AFF2: variants seen among roughly 807,000 people sequenced by gnomAD.
AFF2 encodes ALF transcription elongation factor 2.
Under a neutral mutation model 76.9 loss-of-function variants are expected in AFF2, and 14 were observed. The ratio of observed to expected loss-of-function variants is 0.18; its 90% CI spans 0.12 to 0.28. The LOEUF (loss-of-function observed/expected upper bound fraction) is 0.28. Ranked by LOEUF, AFF2 falls within the 10% of genes least tolerant of loss-of-function variation. The probability of loss-of-function intolerance (pLI) is 1.00; values close to 1 mark genes in which losing one functional copy is unlikely to be tolerated. For missense variants in AFF2, 868 were observed against 1,001.1 expected, an observed-to-expected ratio of 0.87 and a Z score of 1.79; for synonymous variants, 398 against 366.7, an observed-to-expected ratio of 1.09 and a Z score of -0.98.
At chrX:148,869,779 A>T (rs184528637) in intron 7 of AFF2, among the ~76,000 whole-genome samples, 1 of 111,928 alleles carries the variant, frequency 8.9e-6, no homozygotes, top group East Asian at 2.8e-4. Flanking sequence ...GTTCCTTCTT[A>T]GGATGTAAGA....
At chrX:148,924,080 T>G (rs1345667288) in intron 9 of AFF2, among the ~76,000 whole-genome samples, 1 of 111,974 alleles carries the variant, frequency 8.9e-6, no homozygotes, top group African/African-American at 3.2e-5. Flanking sequence ...ATAATAACAA[T>G]GGAAATGATC....
At chrX:148,794,776 G>T (rs945040610) in intron 3 of AFF2, among the ~76,000 whole-genome samples, 11 of 111,054 alleles carry the variant, frequency 9.9e-5, no homozygotes, top group Admixed American at 9.7e-4. Flanking sequence ...AGGCAGGGGT[G>T]GGGGGTTCAT....
Position 148,897,415 on chromosome X carries a change from TAG to T in AFF2, c.1360-6801_1360-6800del, listed in dbSNP as rs782705136. On this transcript the variant is annotated intron_variant, in intron 8 of 20. Transcript: ENST00000370460. ...AGAATACCAGACCTTAAAATGACCATAGAGAGTTTTTACTCTAGCTTTCTAAT... is the reference window on the plus strand; with the variant it reads ...AGAATACCAGACCTTAAAATGACCATAGAGTTTTTACTCTAGCTTTCTAAT... Among the ~76,000 whole-genome samples the T allele has an allele frequency of 1.3e-3, 130 of 101,647 alleles. 1 individual carries two copies. The highest frequency in any genetic ancestry group is 2.2e-3 in the Non-Finnish European group (111 of 49,869). 88.3% of individuals were successfully genotyped at this position (101,647 alleles called of 115,157 possible). A position where few individuals can be genotyped will look rare whatever the true frequency, so the allele number is the denominator to read the frequency against.
chrX:148,701,368 A>G (rs2054797235), intron 3 of AFF2, among the ~76,000 whole-genome samples: 1 of 111,134 alleles, frequency 9.0e-6, no homozygotes, highest in African/African-American at 3.3e-5. Flanking sequence ...AAAGAATCAT[A>G]TAGGGTCCTC....
intron 3 of AFF2, among the ~76,000 whole-genome samples, chrX:148,688,620 G>T (rs2054621490): frequency 9.0e-6 from 1 of 111,106 alleles, no homozygotes; most frequent in South Asian, 3.9e-4. Context: ...TTAAGTAGGG[G>T]CCTAATAAAT....
At position 148,521,374 on chromosome X, in the gene AFF2, G is replaced by GCACACACACA. The variant is rs781978355; in HGVS notation, c.47+20258_47+20267dup. Among the ~76,000 whole-genome samples, 872 of 90,869 alleles carry GCACACACACA rather than the reference G, an allele frequency of 9.6e-3. 9 individuals carry two copies. The highest frequency in any genetic ancestry group is 0.023 in the African/African-American group (534 of 23,491). The allele number at this position is 90,869 out of a possible 115,157, so 78.9% of individuals were successfully genotyped here. A position where few individuals can be genotyped will look rare whatever the true frequency, so the allele number is the denominator to read the frequency against. On this transcript the variant is annotated intron_variant, in intron 1 of 20. Coordinates refer to ENST00000370460, the MANE Select transcript of AFF2 (RefSeq NM_002025.4). ...ACAGGTACCTGAAAAGCACGTGCAT[G>GCACACACACA]CACACACACACACACACACACACAC...
chrX:148,589,192 C>G (rs1372013082), intron 1 of AFF2, among the ~76,000 whole-genome samples: 4 of 110,946 alleles, frequency 3.6e-5, no homozygotes, highest in Admixed American at 1.9e-4. Flanking sequence ...ACTGATGCCA[C>G]GGACGTTAAT....
At chrX:148,536,580 TTGAGA>T (rs1465502477) in intron 1 of AFF2, among the ~76,000 whole-genome samples, 3 of 112,591 alleles carry the variant, frequency 2.7e-5, no homozygotes, top group Admixed American at 9.4e-5. Context: ...TTATCCCAAA[TTGAGA>T]TAACTGTCAA....
intron 1 of AFF2, among the ~76,000 whole-genome samples, chrX:148,523,852 C>T (rs1309834075): frequency 9.0e-6 from 1 of 111,690 alleles, no homozygotes; most frequent in African/African-American, 3.3e-5. Flanking sequence ...GAATGACATA[C>T]TCTTTAGGGT....
intron 3 of AFF2, among the ~76,000 whole-genome samples, chrX:148,772,895 A>T (rs1337291242): frequency 4.5e-5 from 5 of 111,029 alleles, no homozygotes; most frequent in African/African-American, 1.6e-4. Context: ...TGTTTAAAAA[A>T]TGCTTGAATA....
intron 1 of AFF2, among the ~76,000 whole-genome samples, chrX:148,616,647 A>C (rs1557250405): frequency 9.1e-6 from 1 of 110,399 alleles, no homozygotes; most frequent in Non-Finnish European, 1.9e-5. Flanking sequence ...ATATGTGTAC[A>C]TGTGCCATGT....
At chrX:148,645,668 A>G (rs782443666) in intron 1 of AFF2, among the ~76,000 whole-genome samples, 8 of 112,342 alleles carry the variant, frequency 7.1e-5, no homozygotes, top group Non-Finnish European at 1.3e-4. Flanking sequence ...AGTCAAAATA[A>G]TTTTGTCCAA....
At chrX:148,885,585 C>G (rs1162742429) in intron 7 of AFF2, among the ~76,000 whole-genome samples, 3 of 111,658 alleles carry the variant, frequency 2.7e-5, no homozygotes, top group Non-Finnish European at 5.6e-5. Context: ...AGTGATTGAT[C>G]AGTACATTTA....
At chrX:148,887,748 G>T (rs2071175833) in intron 8 of AFF2, among the ~76,000 whole-genome samples, 1 of 111,388 alleles carries the variant, frequency 9.0e-6, no homozygotes, top group Admixed American at 9.5e-5. Flanking sequence ...AAAATTTGAT[G>T]GGGAGATTGA....
In AFF2 at chrX:148,793,014, C is replaced by A. The variant is rs982143467; in HGVS notation, c.1042-16862C>A. ...GTACTATTATTTTCTGCACTTAAAT[C>A]ATAACTTACAAAATAGGTTTATTCA... On this transcript the variant is annotated intron_variant, in intron 3 of 20. Coordinates refer to ENST00000370460, the MANE Select transcript of AFF2 (RefSeq NM_002025.4). Among the ~76,000 whole-genome samples, 6 of 111,796 alleles carry A rather than the reference C, an allele frequency of 5.4e-5. No individual in the cohort carries two copies. The South Asian group carries it at 2.2e-3, about 42-fold the overall frequency.
intron 3 of AFF2, among the ~76,000 whole-genome samples, chrX:148,738,487 A>T (rs1008030793): frequency 2.2e-4 from 24 of 111,479 alleles, no homozygotes; most frequent in African/African-American, 7.8e-4. Flanking sequence ...CTTCTAAGTG[A>T]GGTTATTTGG....
intron 8 of AFF2, among the ~76,000 whole-genome samples, chrX:148,902,714 C>T (rs2071366955): frequency 8.9e-6 from 1 of 111,833 alleles, no homozygotes; most frequent in South Asian, 3.8e-4. Context: ...GCCAGCCAGA[C>T]ACATATTTCT....
intron 4 of AFF2, among the ~76,000 whole-genome samples, chrX:148,829,300 A>G (rs1475637970): frequency 1.8e-5 from 2 of 112,162 alleles, no homozygotes; most frequent in African/African-American, 6.5e-5. Context: ...CAGAGGAGCA[A>G]TCTCAGGAGA....
chrX:148,607,809 C>T (rs1023213143), intron 1 of AFF2, among the ~76,000 whole-genome samples: 2 of 111,585 alleles, frequency 1.8e-5, no homozygotes, highest in Non-Finnish European at 3.8e-5. Flanking sequence ...ACAAATCTAT[C>T]TGGTTTCTTT....
Sources: gnomAD v4.1 joint callset for allele counts (sites outside exome capture counted in the v4.1 genomes callset) on GRCh38, gnomAD v4.1.1 for gene constraint, MANE v1.5 for transcripts, NCBI Gene and HGNC (gene_info 2026-07-23, HGNC 2026-07-21) for gene names.